Variants in LOXHD1 observed in about 807,000 individuals in gnomAD.
LOXHD1 encodes the protein lipoxygenase homology domain-containing protein 1.
LOXHD1 carries 205 observed loss-of-function variants against 248.2 expected under a neutral mutation model. The observed-to-expected ratio is 0.83, with a 90% CI of 0.74 to 0.93. LOXHD1 has a LOEUF of 0.93. LOXHD1 is among the 40% of genes least tolerant of loss of function. The pLI is 0.00. For synonymous variants in LOXHD1, 1,113 were observed against 1,162.8 expected (o/e 0.96, Z 0.87); for missense variants, 2,930 against 2,971.6 (o/e 0.99, Z 0.33).
At chr18:46,526,083 G>T (rs1303394445) in intron 29 of LOXHD1, among the ~76,000 whole-genome samples, 1 of 152,192 alleles carries the variant, frequency 6.6e-6, no homozygotes, top group African/African-American at 2.4e-5. Context: ...AGCAGATGTG[G>T]ATGGGAGCAG....
intron 32 of LOXHD1, 145 bp downstream of exon 32, chr18:46,521,956 A>T: frequency 3.1e-6 from 2 of 635,630 alleles, no homozygotes; most frequent in Non-Finnish European, 5.3e-6. Context: ...TCACCTGGCT[A>T]GTTGGTTCTT....
At chr18:46,494,924 G>A (rs1437964912) in intron 37 of LOXHD1, among the ~76,000 whole-genome samples, 1 of 136,604 alleles carries the variant, frequency 7.3e-6, no homozygotes, top group Non-Finnish European at 1.5e-5. Flanking sequence ...CACGATCTCA[G>A]CTCACTGCAA....
chr18:46,489,427 C>T (rs1156754797), intron 37 of LOXHD1, among the ~76,000 whole-genome samples: 1 of 152,148 alleles, frequency 6.6e-6, no homozygotes, highest in African/African-American at 2.4e-5. Context: ...AGAAATTGTG[C>T]TGTAATTATA....
At chr18:46,609,126 T>A (rs1321437403) in intron 6 of LOXHD1, among the ~76,000 whole-genome samples, 1 of 152,150 alleles carries the variant, frequency 6.6e-6, no homozygotes, top group African/African-American at 2.4e-5. Flanking sequence ...CCATTTTCTC[T>A]CCCCCTCTTT....
chr18:46,568,338 T>C (rs889959267), intron 16 of LOXHD1, among the ~76,000 whole-genome samples: 25 of 152,314 alleles, frequency 1.6e-4, no homozygotes, highest in African/African-American at 5.5e-4. Flanking sequence ...ACTGTGTTTC[T>C]CCAGGTGATG....
intron 34 of LOXHD1, among the ~76,000 whole-genome samples, chr18:46,515,625 C>T (rs1279351002): frequency 6.6e-6 from 1 of 152,128 alleles, no homozygotes; most frequent in Non-Finnish European, 1.5e-5. Context: ...ATCTGGAAAA[C>T]AAGTTGGAAT....
Position 46,593,693 on chromosome 18 carries a change from G to A in LOXHD1, c.1338C>T (p.Phe446=), listed in dbSNP as rs1015986991. ...GCCCCTTCTGCCCATAAATCTGGAT[G>A]AAGATGGGAGAGTTGGTACCAGCTT... ...LKKAGTNSPI[F]IQIYGQKGRT... is the part of the protein sequence containing the mutation. Residue 446 remains phenylalanine (F), a synonymous_variant, in exon 10 of 41, where the codon TTC becomes TTT. Transcript: ENST00000642948. 6.4e-7 allele frequency: 1 copy of A among 1,552,164 alleles called. No homozygotes were observed. The highest frequency in any genetic ancestry group is 1.4e-5 in the African/African-American group (1 of 73,040).
At chr18:46,583,721 C>T (rs1050918676) in intron 12 of LOXHD1, among the ~76,000 whole-genome samples, 1 of 152,086 alleles carries the variant, frequency 6.6e-6, no homozygotes, top group African/African-American at 2.4e-5. Flanking sequence ...AAAGGGAACA[C>T]TTGCACACTA....
At position 46,593,762 on chromosome 18, in the gene LOXHD1, T is replaced by C. The variant is rs1425228104; in HGVS notation, c.1271-2A>G. 2 of 1,551,658 alleles carry C rather than the reference T, an allele frequency of 1.3e-6. No individual in the cohort carries two copies. The highest frequency in any genetic ancestry group is 1.7e-6 in the Non-Finnish European group (2 of 1,146,980). ...AGACCCACAGGGACCAAGGGAATTC[T>C]GTAAGACAGATCAAGTTGCACCATA... On this transcript the variant is annotated splice_acceptor_variant, in intron 9 of 40. Transcript: ENST00000642948. LOFTEE classifies it high-confidence loss of function.
At chr18:46,614,892 G>A (rs2038563603) in intron 5 of LOXHD1, among the ~76,000 whole-genome samples, 1 of 152,002 alleles carries the variant, frequency 6.6e-6, no homozygotes, top group Non-Finnish European at 1.5e-5. Flanking sequence ...TATATAAGAT[G>A]GAGATTCATA....
At chr18:46,638,226 A>G (rs1360593363) in intron 4 of LOXHD1, among the ~76,000 whole-genome samples, 2 of 152,256 alleles carry the variant, frequency 1.3e-5, no homozygotes, top group Non-Finnish European at 2.9e-5. Flanking sequence ...TTGTTTTTTC[A>G]AGTAATGGAA....
chr18:46,481,022 G>A (rs534944332), intron 40 of LOXHD1, among the ~76,000 whole-genome samples: 29 of 152,338 alleles, frequency 1.9e-4, no homozygotes, highest in Middle Eastern at 3.4e-3. Flanking sequence ...CACTGCAAAA[G>A]AGGGATCAGA....
At chr18:46,533,124 C>A (rs959996336) in intron 28 of LOXHD1, 38 bp downstream of exon 28, 15 of 1,549,482 alleles carry the variant, frequency 9.7e-6, no homozygotes, top group Non-Finnish European at 9.6e-6. Flanking sequence ...GGTCCTGGAG[C>A]CTTCCCATGG....
chr18:46,484,719 T>A (rs1003071144), intron 39 of LOXHD1, among the ~76,000 whole-genome samples: 2 of 152,106 alleles, frequency 1.3e-5, no homozygotes, highest in Non-Finnish European at 2.9e-5. Context: ...AGTTCAGAGG[T>A]GGCTCTGATG....
At chr18:46,545,471 G>A in intron 22 of LOXHD1, 50 bp from the exon 23 acceptor site, 2 of 1,397,882 alleles carry the variant, frequency 1.4e-6, no homozygotes, top group East Asian at 2.5e-5. Context: ...TTCCTTTCAT[G>A]AAAGGAGGAA....
intron 8 of LOXHD1, 115 bp from the exon 9 acceptor site, chr18:46,594,581 G>A: frequency 1.6e-6 from 2 of 1,246,370 alleles, no homozygotes. Context: ...GGACTCTCAA[G>A]GAATGGCACC....
At chr18:46,490,580 A>T (rs544818612) in intron 37 of LOXHD1, among the ~76,000 whole-genome samples, 2 of 152,142 alleles carry the variant, frequency 1.3e-5, no homozygotes, top group Non-Finnish European at 2.9e-5. Flanking sequence ...GGTTCAAGCA[A>T]TTCTCCTGCC....
intron 14 of LOXHD1, among the ~76,000 whole-genome samples, chr18:46,577,127 G>A (rs1344884082): frequency 2.0e-5 from 3 of 152,180 alleles, no homozygotes; most frequent in Non-Finnish European, 4.4e-5. Context: ...CACATAAAAT[G>A]TGGAGAGCCA....
intron 36 of LOXHD1, among the ~76,000 whole-genome samples, chr18:46,506,736 T>C (rs1304668020): frequency 6.6e-6 from 1 of 152,228 alleles, no homozygotes; most frequent in African/African-American, 2.4e-5. Context: ...CCTGAGATCC[T>C]ACTATGAGAG....
Sources: gnomAD v4.1 joint callset for allele counts (sites outside exome capture counted in the v4.1 genomes callset) on GRCh38, gnomAD v4.1.1 for gene constraint, MANE v1.5 for transcripts, NCBI Gene and HGNC (gene_info 2026-07-23, HGNC 2026-07-21) for gene names.